The following MITF variants were observed in gnomAD, a reference collection of about 807,000 sequenced individuals.
MITF encodes the protein microphthalmia-associated transcription factor.
A neutral mutation model predicts 60.5 loss-of-function variants in MITF; 17 were observed. That is an observed-to-expected ratio of 0.28 (90% CI 0.19 to 0.42). The LOEUF is 0.42. Among genes scored for constraint, MITF ranks in the 10% least tolerant of loss-of-function variants. The probability of loss-of-function intolerance (pLI) is 1.00; values close to 1 mark genes in which losing one functional copy is unlikely to be tolerated. For synonymous variants in MITF, 260 were observed against 248.5 expected, an observed-to-expected ratio of 1.05 and a Z score of -0.43; for missense variants, 622 against 683.5, an observed-to-expected ratio of 0.91 and a Z score of 1.00.
At chr3:69,927,542 AT>A (rs2107450366) in intron 2 of MITF, among the ~76,000 whole-genome samples, 1 of 152,328 alleles carries the variant, frequency 6.6e-6, no homozygotes, top group South Asian at 2.1e-4. Flanking sequence ...AAAAAAAAAA[AT>A]AAATTTGATA....
intron 1 of MITF, among the ~76,000 whole-genome samples, chr3:69,852,369 A>G (rs769065855): frequency 2.0e-5 from 3 of 152,156 alleles, no homozygotes; most frequent in Non-Finnish European, 4.4e-5. Context: ...GACTTCTAAC[A>G]CCATGGATTA....
intron 6 of MITF, among the ~76,000 whole-genome samples, chr3:69,951,173 C>G (rs1033946413): frequency 2.7e-5 from 4 of 148,320 alleles, no homozygotes; most frequent in African/African-American, 1.0e-4. Context: ...TCACGGCTCA[C>G]TACAACCTCG....
chr3:69,929,599 T>G (rs12106718), intron 2 of MITF, among the ~76,000 whole-genome samples: 2,788 of 150,700 alleles, frequency 0.019, 33 homozygotes, highest in Middle Eastern at 0.051. Flanking sequence ...TTTGTTTTTG[T>G]TTTTTTTTCT....
chr3:69,743,649 T>G (rs938958812), intron 1 of MITF, among the ~76,000 whole-genome samples: 9 of 152,206 alleles, frequency 5.9e-5, no homozygotes, highest in African/African-American at 1.7e-4. Flanking sequence ...TTGCACACCG[T>G]TTCCTCCGAC....
At chr3:69,785,593 T>A (rs2062635569) in intron 1 of MITF, among the ~76,000 whole-genome samples, 1 of 152,176 alleles carries the variant, frequency 6.6e-6, no homozygotes, top group African/African-American at 2.4e-5. Context: ...TTAAATCACA[T>A]CAGAACTGGT....
intron 1 of MITF, among the ~76,000 whole-genome samples, chr3:69,816,944 C>T (rs759078867): frequency 1.3e-5 from 2 of 152,084 alleles, no homozygotes. Context: ...AGTTAATTGT[C>T]ACAAATGTGA....
intron 2 of MITF, among the ~76,000 whole-genome samples, chr3:69,903,461 G>A (rs1260456572): frequency 6.6e-6 from 1 of 152,106 alleles, no homozygotes; most frequent in Non-Finnish European, 1.5e-5. Context: ...TGTTCTTGCT[G>A]TGGTGTAGGT....
chr3:69,933,263 G>T (rs1253030064), intron 2 of MITF, among the ~76,000 whole-genome samples: 1 of 152,038 alleles, frequency 6.6e-6, no homozygotes, highest in Non-Finnish European at 1.5e-5. Context: ...TTGAATTCTG[G>T]TTTACAAATA....
At chr3:69,865,739 A>T (rs1045305766) in intron 1 of MITF, among the ~76,000 whole-genome samples, 4 of 152,122 alleles carry the variant, frequency 2.6e-5, no homozygotes, top group Non-Finnish European at 4.4e-5. Context: ...CAAGGAGGGC[A>T]TATTCAATTA....
intron 2 of MITF, among the ~76,000 whole-genome samples, chr3:69,899,028 T>C (rs1028499865): frequency 6.6e-6 from 1 of 152,158 alleles, no homozygotes; most frequent in Non-Finnish European, 1.5e-5. Context: ...GTATGAACAC[T>C]AAAGGCTACA....
chr3:69,862,923 C>T (rs779931223), intron 1 of MITF, among the ~76,000 whole-genome samples: 1 of 152,090 alleles, frequency 6.6e-6, no homozygotes, highest in Non-Finnish European at 1.5e-5. Context: ...TCCTCCCCAA[C>T]CACACTACAA....
chr3:69,833,386 T>G lies in MITF; in HGVS notation c.105-45748T>G, dbSNP rs561536998. Among the ~76,000 whole-genome samples the G allele has an allele frequency of 3.9e-5, 6 of 152,382 alleles. No homozygotes were observed. The East Asian group carries it at 1.2e-3, about 29-fold the overall frequency. ...TCTATTTACACTGTATGTGGTTGTT[T>G]CCCTGTTTACACTGTATGTGGTGGT... On this transcript the variant is annotated intron_variant, in intron 1 of 9. Coordinates refer to ENST00000352241, the MANE Select transcript of MITF (RefSeq NM_001354604.2).
intron 1 of MITF, among the ~76,000 whole-genome samples, chr3:69,846,139 T>C (rs2063728386): frequency 6.8e-6 from 1 of 146,142 alleles, no homozygotes; most frequent in Non-Finnish European, 1.5e-5. Flanking sequence ...CTAGGGCTTT[T>C]TTTTTTTTTT....
intron 2 of MITF, among the ~76,000 whole-genome samples, chr3:69,900,390 T>C (rs892688104): frequency 6.6e-6 from 1 of 152,204 alleles, no homozygotes; most frequent in Non-Finnish European, 1.5e-5. Flanking sequence ...TCCTTTTGCT[T>C]GGAGAGCACA....
intron 1 of MITF, among the ~76,000 whole-genome samples, chr3:69,814,249 A>G (rs900584811): frequency 4.6e-5 from 7 of 152,196 alleles, no homozygotes; most frequent in Non-Finnish European, 7.3e-5. Context: ...ACAGTGTCTG[A>G]TGACCCAACC....
At chr3:69,850,020 C>A (rs1184287546) in intron 1 of MITF, among the ~76,000 whole-genome samples, 2 of 152,114 alleles carry the variant, frequency 1.3e-5, no homozygotes, top group Non-Finnish European at 2.9e-5. Context: ...TGTGTCTATG[C>A]CTGTGTGAAT....
intron 1 of MITF, among the ~76,000 whole-genome samples, chr3:69,864,543 G>C (rs1317027898): frequency 6.6e-6 from 1 of 152,152 alleles, no homozygotes; most frequent in Non-Finnish European, 1.5e-5. Flanking sequence ...GACTATTGCA[G>C]TAGCTAACTC....
intron 1 of MITF, among the ~76,000 whole-genome samples, chr3:69,795,077 T>A (rs547363967): frequency 2.6e-5 from 4 of 152,326 alleles, no homozygotes; most frequent in Admixed American, 1.3e-4. Flanking sequence ...TCCCTGTACA[T>A]GTCTTCAGTG....
At chr3:69,785,096 G>A (rs1234113086) in intron 1 of MITF, among the ~76,000 whole-genome samples, 1 of 151,190 alleles carries the variant, frequency 6.6e-6, no homozygotes, top group Non-Finnish European at 1.5e-5. Context: ...TTCCACGAAA[G>A]CTTTGTATTA....
Sources: gnomAD v4.1 joint callset for allele counts (sites outside exome capture counted in the v4.1 genomes callset) on GRCh38, gnomAD v4.1.1 for gene constraint, MANE v1.5 for transcripts, NCBI Gene and HGNC (gene_info 2026-07-23, HGNC 2026-07-21) for gene names.